The following SLC38A11 variants were observed in gnomAD, a reference collection of about 807,000 sequenced individuals.
SLC38A11 encodes the protein putative sodium-coupled neutral amino acid transporter 11.
A neutral mutation model predicts 49.4 loss-of-function variants in SLC38A11; 51 were observed. The ratio of observed to expected loss-of-function variants is 1.03; its 90% CI spans 0.83 to 1.30. The LOEUF (loss-of-function observed/expected upper bound fraction) is 1.30, where lower values mean the gene tolerates loss of function less well. Ranked by LOEUF, SLC38A11 falls within the 50% of genes most tolerant of loss-of-function variation. SLC38A11 has a pLI of 0.00. For synonymous variants in SLC38A11, 203 were observed against 192.9 expected, an observed-to-expected ratio of 1.05 and a Z score of -0.43; for missense variants, 574 against 556.2, an observed-to-expected ratio of 1.03 and a Z score of -0.32.
Position 164,915,908 on chromosome 2 carries a change from G to A in SLC38A11, c.683C>T (p.Ser228Phe). ...PNAIQAVGVMSFAFICHHNSF... is the reference protein window; with the variant it reads ...PNAIQAVGVMFFAFICHHNSF... ...CTTTGAAACCAAATACTCACCAAAA[G>A]ACATAACCCCGACCGCTTGAATGGC... The change falls in exon 8 of 12, where the codon TCT (serine) becomes TTT (phenylalanine). Residue 228 changes from serine (S) to phenylalanine (F), a missense_variant. Coordinates refer to ENST00000685975, the MANE Select transcript of SLC38A11 (RefSeq NM_001351537.2). 6.2e-7 allele frequency: 1 copy of A among 1,600,080 alleles called. No individual in the cohort carries two copies. The highest frequency in any genetic ancestry group is 8.5e-7 in the Non-Finnish European group (1 of 1,169,828).
At chr2:164,905,596 C>T (rs757116102) in intron 11 of SLC38A11, among the ~76,000 whole-genome samples, 11 of 152,088 alleles carry the variant, frequency 7.2e-5, no homozygotes, top group Non-Finnish European at 1.5e-4. Flanking sequence ...TGAATACGTT[C>T]TTACGCACAC....
intron 7 of SLC38A11, among the ~76,000 whole-genome samples, chr2:164,935,839 C>A (rs558198223): frequency 6.6e-6 from 1 of 152,100 alleles, no homozygotes; most frequent in Non-Finnish European, 1.5e-5. Flanking sequence ...GTTAGATAAA[C>A]GCATGAGGGA....
Position 164,914,999 on chromosome 2 carries a change from A to G in SLC38A11, c.850+113T>C, listed in dbSNP as rs927152279. ...CAGGAGGGTAGAGAGAATGGGTGGA[A>G]GAGAGTAATCTTTGAAATAGAACAC... On this transcript the variant is annotated intron_variant, in intron 9 of 11. Coordinates refer to ENST00000685975, the MANE Select transcript of SLC38A11 (RefSeq NM_001351537.2). 4.9e-5 allele frequency: 48 copies of G among 981,798 alleles called. No homozygotes were observed. In the African/African-American group the frequency reaches 7.8e-4, roughly 16 times the overall value. The allele number at this position is 981,798 out of a possible 1,614,324, so 60.8% of individuals were successfully genotyped here.
At chr2:164,950,482 A>G (rs1249087386) in intron 3 of SLC38A11, among the ~76,000 whole-genome samples, 2 of 152,198 alleles carry the variant, frequency 1.3e-5, no homozygotes, top group East Asian at 3.8e-4. Context: ...ACAGGCTACA[A>G]ATATATTCCC....
chr2:164,912,615 G>A (rs1162316893), intron 9 of SLC38A11, among the ~76,000 whole-genome samples: 2 of 152,038 alleles, frequency 1.3e-5, no homozygotes, highest in Non-Finnish European at 2.9e-5. Flanking sequence ...GGGCCACAGC[G>A]AGAAATTCCA....
intron 7 of SLC38A11, chr2:164,922,295 G>A (rs1573932977): frequency 6.6e-6 from 1 of 152,154 alleles, no homozygotes; most frequent in African/African-American, 2.4e-5. Flanking sequence ...TGTTGTAAGA[G>A]CCTCATGTTT....
chr2:164,955,284 G>C lies in SLC38A11; in HGVS notation c.-37C>G. The C allele has an allele frequency of 6.5e-7, 1 of 1,546,444 alleles. No homozygotes were observed. The highest frequency in any genetic ancestry group is 8.7e-7 in the Non-Finnish European group (1 of 1,143,248). ...GGTCCTCAGCAGGTGGAAGATGCTG[G>C]GGCTGGGTACGGATTCGCACCCGGC... On this transcript the variant is annotated 5_prime_UTR_variant, in exon 1 of 12. Coordinates refer to ENST00000685975, the MANE Select transcript of SLC38A11 (RefSeq NM_001351537.2).
At position 164,897,072 on chromosome 2, in the gene SLC38A11, T is replaced by A. The variant is rs959701319; in HGVS notation, c.*1365A>T. 3 of 152,158 alleles carry A rather than the reference T, an allele frequency of 2.0e-5. No individual in the cohort carries two copies. Among genetic ancestry groups the A allele is most frequent in the Non-Finnish European group, 4.4e-5 (3 of 68,018 alleles). The allele number at this position is 152,158 out of a possible 1,614,324, so 9.4% of individuals were successfully genotyped here. ...ACTTGATATAAGGAAGCCATCCAGATGGCCCCAGATTTTCATGTTACTTTT... is the reference window on the plus strand; with the variant it reads ...ACTTGATATAAGGAAGCCATCCAGAAGGCCCCAGATTTTCATGTTACTTTT... On this transcript the variant is annotated 3_prime_UTR_variant, in exon 12 of 12. Coordinates refer to ENST00000685975, the MANE Select transcript of SLC38A11 (RefSeq NM_001351537.2).
At chr2:164,899,353 C>A (rs1349662360) in intron 11 of SLC38A11, among the ~76,000 whole-genome samples, 1 of 152,054 alleles carries the variant, frequency 6.6e-6, no homozygotes, top group East Asian at 1.9e-4. Flanking sequence ...ATGACTATTA[C>A]TCATTCACCC....
Position 164,915,179 on chromosome 2 carries a change from C to T in SLC38A11, c.783G>A (p.Val261=), listed in dbSNP as rs535582061. The T allele has an allele frequency of 9.3e-6, 15 of 1,612,312 alleles. No individual in the cohort carries two copies. Among genetic ancestry groups the T allele is most frequent in the Middle Eastern group, 1.7e-4 (1 of 6,058 alleles). Residue 261 remains valine (V), a synonymous_variant, in exon 9 of 12, where the codon GTG becomes GTA. Coordinates refer to ENST00000685975, the MANE Select transcript of SLC38A11 (RefSeq NM_001351537.2). The part of the protein sequence containing the change: ...KWSRLIHMSI[V]ISVFICIFFA... The stretch of plus-strand genomic sequence containing the variant: ...AGAATATACAGATAAATACAGAAAT[C>T]ACGATGGACATATGGATAAGGCGGG...
At chr2:164,926,900 T>C (rs1395218987) in intron 7 of SLC38A11, among the ~76,000 whole-genome samples, 3 of 147,766 alleles carry the variant, frequency 2.0e-5, no homozygotes, top group African/African-American at 7.4e-5. Context: ...CATTAGGAGA[T>C]ATACCTAATG....
chr2:164,941,019 G>C (rs1687730411), intron 5 of SLC38A11, among the ~76,000 whole-genome samples: 1 of 151,876 alleles, frequency 6.6e-6, no homozygotes, highest in Non-Finnish European at 1.5e-5. Context: ...GTTGCTAAGG[G>C]CTAGATAAAC....
intron 7 of SLC38A11, among the ~76,000 whole-genome samples, chr2:164,916,529 T>C (rs1196860468): frequency 6.6e-6 from 1 of 152,140 alleles, no homozygotes; most frequent in Non-Finnish European, 1.5e-5. Flanking sequence ...ATTATCACCA[T>C]TTAACACATG....
At position 164,894,395 on chromosome 2, in the gene SLC38A11, A is replaced by G. The variant is rs1157325447; in HGVS notation, c.*4042T>C. 3.9e-5 allele frequency among the ~76,000 whole-genome samples: 6 copies of G among 152,214 alleles called. No homozygotes were observed. The highest frequency in any genetic ancestry group is 1.4e-4 in the African/African-American group (6 of 41,450). On this transcript the variant is annotated 3_prime_UTR_variant, in exon 12 of 12. Transcript: ENST00000685975. The stretch of plus-strand genomic sequence containing the variant: ...CTTTATTATCAATGAGCAAACATTA[A>G]TGGAATGAAAAAGTGTCTTAACAAA...
rs372586139 is a variant in SLC38A11, at chr2:164,895,470, C to T, written c.*2967G>A. On this transcript the variant is annotated 3_prime_UTR_variant, in exon 12 of 12. Coordinates refer to ENST00000685975, the MANE Select transcript of SLC38A11 (RefSeq NM_001351537.2). ...TTAAAAGACAGACTATTATTCCTTT[C>T]CTAAGCAAGGCTATAGCAGATAAAC... Among the ~76,000 whole-genome samples the T allele has an allele frequency of 1.3e-5, 2 of 152,274 alleles. No homozygotes were observed. Among genetic ancestry groups the T allele is most frequent in the East Asian group, 3.9e-4 (2 of 5,178 alleles).
At chr2:164,944,926 A>G (rs1308563271) in intron 4 of SLC38A11, among the ~76,000 whole-genome samples, 1 of 152,226 alleles carries the variant, frequency 6.6e-6, no homozygotes, top group Non-Finnish European at 1.5e-5. Flanking sequence ...TTGTTGTTAA[A>G]GTTCAGTTTC....
At chr2:164,911,039 A>C (rs1247126752) in intron 10 of SLC38A11, among the ~76,000 whole-genome samples, 1 of 151,838 alleles carries the variant, frequency 6.6e-6, no homozygotes, top group African/African-American at 2.4e-5. Context: ...TTATATTATT[A>C]GTTTATGTTA....
chr2:164,949,220 A>C (rs943859989), intron 3 of SLC38A11, among the ~76,000 whole-genome samples: 7 of 151,448 alleles, frequency 4.6e-5, no homozygotes, highest in African/African-American at 1.7e-4. Context: ...TGACCTAATA[A>C]ATATATTTTT....
chr2:164,899,332 A>G (rs570315203), intron 11 of SLC38A11, among the ~76,000 whole-genome samples: 1 of 152,254 alleles, frequency 6.6e-6, no homozygotes, highest in South Asian at 2.1e-4. Flanking sequence ...GAAAGTTGAC[A>G]GCAGAGCTAA....
Sources: gnomAD v4.1 joint callset for allele counts (sites outside exome capture counted in the v4.1 genomes callset) on GRCh38, gnomAD v4.1.1 for gene constraint, MANE v1.5 for transcripts, NCBI Gene and HGNC (gene_info 2026-07-23, HGNC 2026-07-21) for gene names.